The following IL15 variants were observed in gnomAD, a reference collection of about 807,000 sequenced individuals.
The protein encoded by IL15 is interleukin 15.
Under a neutral mutation model 19.6 loss-of-function variants are expected in IL15, and 11 were observed. That is an observed-to-expected ratio of 0.56 (90% CI 0.35 to 0.93). IL15 has a LOEUF of 0.93. Among genes scored for constraint, IL15 ranks in the 40% least tolerant of loss-of-function variants. The pLI, the probability that IL15 is intolerant of heterozygous loss-of-function variation, is 0.01. For synonymous variants in IL15, 58 were observed against 59.6 expected (o/e 0.97, Z 0.12); for missense variants, 197 against 186.5 (o/e 1.06, Z -0.33).
At chr4:141,650,245 T>G (rs1727359173) in intron 1 of IL15, among the ~76,000 whole-genome samples, 1 of 152,084 alleles carries the variant, frequency 6.6e-6, no homozygotes, top group Admixed American at 6.6e-5. Context: ...TGACCCAGAA[T>G]GTAGCTATTT....
intron 5 of IL15, among the ~76,000 whole-genome samples, chr4:141,722,752 T>G (rs768484154): frequency 6.6e-6 from 1 of 151,982 alleles, no homozygotes; most frequent in Non-Finnish European, 1.5e-5. Flanking sequence ...GCAGACATTA[T>G]AAAAAGTGCT....
At chr4:141,686,327 A>AATAG (rs1162646641) in intron 2 of IL15, among the ~76,000 whole-genome samples, 1 of 151,372 alleles carries the variant, frequency 6.6e-6, no homozygotes, top group Non-Finnish European at 1.5e-5. Context: ...TAAATAAATA[A>AATAG]ATAAATAAAT....
intron 2 of IL15, among the ~76,000 whole-genome samples, chr4:141,714,101 T>A (rs932362094): frequency 1.3e-5 from 2 of 151,992 alleles, no homozygotes; most frequent in African/African-American, 4.8e-5. Flanking sequence ...CCTGTCCCCA[T>A]CCTCCTCCTG....
chr4:141,719,652 A>C (rs978432137), intron 3 of IL15, among the ~76,000 whole-genome samples, 176 bp downstream of exon 3: 6 of 152,172 alleles, frequency 3.9e-5, no homozygotes, highest in African/African-American at 1.4e-4. Flanking sequence ...TAAAAACTCT[A>C]TTGACCATCT....
chr4:141,722,514 A>G (rs1210731168), intron 5 of IL15, among the ~76,000 whole-genome samples: 1 of 152,216 alleles, frequency 6.6e-6, no homozygotes, highest in African/African-American at 2.4e-5. Flanking sequence ...ATTAAAAAAT[A>G]GGTTAGAACT....
chr4:141,651,468 A>G (rs1727404372), intron 1 of IL15, among the ~76,000 whole-genome samples: 2 of 152,088 alleles, frequency 1.3e-5, no homozygotes, highest in African/African-American at 4.8e-5. Context: ...ATGAGAGATT[A>G]CTTAATTGTA....
At chr4:141,655,593 G>A (rs1000159600) in intron 1 of IL15, among the ~76,000 whole-genome samples, 1 of 151,772 alleles carries the variant, frequency 6.6e-6, no homozygotes, top group Non-Finnish European at 1.5e-5. Context: ...TAATAAGTTG[G>A]ATTACCCTTA....
At chr4:141,666,128 T>C (rs1272918486) in intron 2 of IL15, among the ~76,000 whole-genome samples, 50 of 118,970 alleles carry the variant, frequency 4.2e-4, no homozygotes, top group Non-Finnish European at 5.1e-5. Flanking sequence ...TGAGACGGAG[T>C]CTCGCTCTGT....
intron 4 of IL15, 131 bp from the exon 5 acceptor site, chr4:141,721,793 G>A: frequency 1.3e-6 from 1 of 775,700 alleles, no homozygotes; most frequent in Non-Finnish European, 2.1e-6. Flanking sequence ...GCTGTTGAAT[G>A]CACAGAAGCA....
rs1427694604 is a variant in IL15, at chr4:141,687,150, TCAGA to T, written c.-100+30847_-100+30850del. On this transcript the variant is annotated intron_variant, in intron 2 of 7. Coordinates refer to ENST00000320650, the MANE Select transcript of IL15 (RefSeq NM_000585.5). ...GTTTTGGGTCTCACTTGGCATGGTC[TCAGA>T]CAGGCCAGTGCCTTGGCAGTGGCTC... 7.9e-5 allele frequency among the ~76,000 whole-genome samples: 12 copies of T among 152,308 alleles called. No individual in the cohort carries two copies. The East Asian group carries it at 2.3e-3, about 29-fold the overall frequency.
chr4:141,675,141 A>G (rs1288117658), intron 2 of IL15, among the ~76,000 whole-genome samples: 2 of 150,932 alleles, frequency 1.3e-5, no homozygotes, highest in African/African-American at 5.0e-5. Context: ...TGGATATTTG[A>G]GACAATTTGA....
At chr4:141,671,784 C>T (rs1008936671) in intron 2 of IL15, among the ~76,000 whole-genome samples, 2 of 152,130 alleles carry the variant, frequency 1.3e-5, no homozygotes, top group Non-Finnish European at 2.9e-5. Flanking sequence ...AGACATAGGA[C>T]ATAAATCGTA....
chr4:141,639,229 T>A (rs182461279), intron 1 of IL15, among the ~76,000 whole-genome samples: 113 of 152,302 alleles, frequency 7.4e-4, no homozygotes, highest in African/African-American at 2.6e-3. Flanking sequence ...GTGGTATTTA[T>A]GGAGGATGGT....
At chr4:141,676,074 C>T (rs1456315842) in intron 2 of IL15, among the ~76,000 whole-genome samples, 2 of 152,088 alleles carry the variant, frequency 1.3e-5, no homozygotes, top group Non-Finnish European at 2.9e-5. Flanking sequence ...TTAAGCTGGT[C>T]TTTTTTGTCT....
At chr4:141,712,971 T>C (rs573868342) in intron 2 of IL15, among the ~76,000 whole-genome samples, 16 of 152,212 alleles carry the variant, frequency 1.1e-4, no homozygotes, top group Non-Finnish European at 2.1e-4. Flanking sequence ...TTATAGGCCT[T>C]ATAAACATAT....
intron 2 of IL15, among the ~76,000 whole-genome samples, chr4:141,661,005 A>G (rs964193339): frequency 2.0e-5 from 3 of 152,164 alleles, no homozygotes; most frequent in Middle Eastern, 3.2e-3. Context: ...TTCTAGTTCT[A>G]TGAAGAATAG....
chr4:141,680,484 C>T lies in IL15; in HGVS notation c.-100+24177C>T, dbSNP rs115344842. ...ATGGAAAGCCCTGTTGTAAAGCTTC[C>T]TTCATGGAGATGGCTTTATGTCTTG... On this transcript the variant is annotated intron_variant, in intron 2 of 7. Transcript: ENST00000320650. Among the ~76,000 whole-genome samples the T allele has an allele frequency of 4.4e-3, 677 of 152,238 alleles. 3 individuals carry two copies. The highest frequency in any genetic ancestry group is 5.6e-3 in the Non-Finnish European group (380 of 68,000).
chr4:141,683,436 C>A (rs1416691605), intron 2 of IL15, among the ~76,000 whole-genome samples: 1 of 149,554 alleles, frequency 6.7e-6, no homozygotes, highest in Non-Finnish European at 1.5e-5. Context: ...CCTGGCATGG[C>A]GGTGTGCACC....
chr4:141,710,372 C>T (rs1729676210), intron 2 of IL15, among the ~76,000 whole-genome samples: 1 of 152,196 alleles, frequency 6.6e-6, no homozygotes. Flanking sequence ...TAGTACTTCT[C>T]ACTTGAGTTC....
Sources: gnomAD v4.1 joint callset for allele counts (sites outside exome capture counted in the v4.1 genomes callset) on GRCh38, gnomAD v4.1.1 for gene constraint, MANE v1.5 for transcripts, NCBI Gene and HGNC (gene_info 2026-07-23, HGNC 2026-07-21) for gene names.